SFT2D2: variants seen among roughly 807,000 people sequenced by gnomAD.
SFT2D2 encodes vesicle transport protein SFT2B.
In SFT2D2, 21 loss-of-function variants were observed where a neutral mutation model predicts 27.4. The ratio of observed to expected loss-of-function variants is 0.77; its 90% CI spans 0.54 to 1.10. SFT2D2 has a LOEUF of 1.10. SFT2D2 is among the 50% of genes least tolerant of loss of function. The probability of loss-of-function intolerance (pLI) is 0.00; values close to 1 mark genes in which losing one functional copy is unlikely to be tolerated. For missense variants in SFT2D2, 187 were observed against 194.2 expected (o/e 0.96, Z 0.22); for synonymous variants, 72 against 71.7 (o/e 1.00, Z -0.02).
intron 1 of SFT2D2, among the ~76,000 whole-genome samples, chr1:168,227,795 TTCTC>T (rs1482415591): frequency 6.6e-6 from 1 of 152,148 alleles, no homozygotes; most frequent in Non-Finnish European, 1.5e-5. Context: ...GGCAGACACT[TTCTC>T]TCCCTGCAGA....
rs1647912241 is a variant in SFT2D2 at position 168,249,922 on chromosome 1, AAATACTTATCTAGT to A, written c.*7384_*7397del. ...GTCTCCGATCATTAATTTATTTAAC[AAATACTTATCTAGT>A]ACTATGTGCCCGGCGCTGTAGACAC... On this transcript the variant is annotated 3_prime_UTR_variant, in exon 8 of 8. Transcript: ENST00000271375. The A allele has an allele frequency of 6.6e-6, 1 of 152,174 alleles. No homozygotes were observed. The highest frequency in any genetic ancestry group is 6.5e-5 in the Admixed American group (1 of 15,282). 9.4% of individuals were successfully genotyped at this position (152,174 alleles called of 1,614,324 possible).
At chr1:168,233,292 C>G (rs1259171268) in intron 3 of SFT2D2, among the ~76,000 whole-genome samples, 1 of 152,214 alleles carries the variant, frequency 6.6e-6, no homozygotes, top group East Asian at 1.9e-4. Flanking sequence ...AAAGCTACCT[C>G]TTCTATGAAG....
intron 1 of SFT2D2, among the ~76,000 whole-genome samples, chr1:168,228,495 G>A: frequency 6.6e-6 from 1 of 152,052 alleles, no homozygotes; most frequent in East Asian, 1.9e-4. Flanking sequence ...ATAGCCTCAC[G>A]TTGAATTTTG....
Position 168,246,943 on chromosome 1 carries a change from T to C in SFT2D2, c.*4403T>C. On this transcript the variant is annotated 3_prime_UTR_variant, in exon 8 of 8. Transcript: ENST00000271375. ...TTTTTTATTGTGTGTATTTCCAGCCTGAGCCTGGCAATTTCATCTTGCATC... is the reference window on the plus strand; with the variant it reads ...TTTTTTATTGTGTGTATTTCCAGCCCGAGCCTGGCAATTTCATCTTGCATC... The C allele has an allele frequency of 1.6e-6, 1 of 638,628 alleles. No individual in the cohort carries two copies. The highest frequency in any genetic ancestry group is 1.4e-5 in the South Asian group (1 of 72,418). 39.6% of individuals were successfully genotyped at this position (638,628 alleles called of 1,614,324 possible). A position where few individuals can be genotyped will look rare whatever the true frequency, so the allele number is the denominator to read the frequency against.
rs1315458846 is a variant in SFT2D2 at position 168,248,861 on chromosome 1, C to G, written c.*6321C>G. 1 of 151,958 alleles carries G rather than the reference C, an allele frequency of 6.6e-6. No homozygotes were observed. The highest frequency in any genetic ancestry group is 1.5e-5 in the Non-Finnish European group (1 of 67,990). The allele number at this position is 151,958 out of a possible 1,614,324, so 9.4% of individuals were successfully genotyped here. On this transcript the variant is annotated 3_prime_UTR_variant, in exon 8 of 8. Coordinates refer to ENST00000271375, the MANE Select transcript of SFT2D2 (RefSeq NM_199344.3). ...AATTTATCCATTTCTTCTAGATTTT[C>G]TACTTTATTTGCGTAGAGTTGTTTA...
chr1:168,230,429 C>T (rs1327493244), intron 1 of SFT2D2, among the ~76,000 whole-genome samples: 1 of 152,206 alleles, frequency 6.6e-6, no homozygotes, highest in African/African-American at 2.4e-5. Context: ...ACTGTTCCCA[C>T]TTGCATCAGG....
chr1:168,244,581 C>T lies in SFT2D2; in HGVS notation c.*2041C>T, dbSNP rs1431634494. ...TTCTAGGCTATTGATGACATCCAGTCATCTGCTCAGGTCACTAACCTGTCC... is the reference window on the plus strand; with the variant it reads ...TTCTAGGCTATTGATGACATCCAGTTATCTGCTCAGGTCACTAACCTGTCC... On this transcript the variant is annotated 3_prime_UTR_variant, in exon 8 of 8. Transcript: ENST00000271375. The T allele has an allele frequency of 6.6e-6, 1 of 152,256 alleles. No individual in the cohort carries two copies. The highest frequency in any genetic ancestry group is 1.9e-4 in the East Asian group (1 of 5,182). 9.4% of individuals were successfully genotyped at this position (152,256 alleles called of 1,614,324 possible).
chr1:168,248,212 G>T lies in SFT2D2; in HGVS notation c.*5672G>T, dbSNP rs1342646693. On this transcript the variant is annotated 3_prime_UTR_variant, in exon 8 of 8. Coordinates refer to ENST00000271375, the MANE Select transcript of SFT2D2 (RefSeq NM_199344.3). Reference sequence around the variant, plus strand: ...GTCTATTTTGGCTTTTGTTGCCATTGCTTTTGGTGTTTTAGTCGTGAAGTC... The same window carrying T: ...GTCTATTTTGGCTTTTGTTGCCATTTCTTTTGGTGTTTTAGTCGTGAAGTC... 6.6e-6 allele frequency: 1 copy of T among 152,174 alleles called. No individual in the cohort carries two copies. The highest frequency in any genetic ancestry group is 1.5e-5 in the Non-Finnish European group (1 of 68,046). 9.4% of individuals were successfully genotyped at this position (152,174 alleles called of 1,614,324 possible). A position where few individuals can be genotyped will look rare whatever the true frequency, so the allele number is the denominator to read the frequency against.
At chr1:168,231,687 C>A in intron 2 of SFT2D2, 87 bp downstream of exon 2, 1 of 1,487,478 alleles carries the variant, frequency 6.7e-7, no homozygotes, top group Non-Finnish European at 9.4e-7. Flanking sequence ...TCCCCTTTTG[C>A]CCTTCACTAA....
At chr1:168,234,607 G>GAT (rs1647435149) in intron 3 of SFT2D2, among the ~76,000 whole-genome samples, 3 of 152,204 alleles carry the variant, frequency 2.0e-5, no homozygotes, top group Admixed American at 6.5e-5. Context: ...AACCCATGAT[G>GAT]ATATCATCAT....
At chr1:168,228,516 C>G (rs1197181198) in intron 1 of SFT2D2, among the ~76,000 whole-genome samples, 1 of 152,110 alleles carries the variant, frequency 6.6e-6, no homozygotes, top group Non-Finnish European at 1.5e-5. Context: ...TGATTGATAC[C>G]TCATCTTCAT....
chr1:168,238,697 CA>C (rs3215449), intron 6 of SFT2D2, among the ~76,000 whole-genome samples: 37 of 140,454 alleles, frequency 2.6e-4, no homozygotes, highest in East Asian at 4.1e-4. Flanking sequence ...GACCCTGTCT[CA>C]AAAAAAAAAA....
intron 7 of SFT2D2, among the ~76,000 whole-genome samples, chr1:168,240,875 G>A (rs1283972838): frequency 6.6e-6 from 1 of 152,054 alleles, no homozygotes; most frequent in Admixed American, 6.6e-5. Context: ...TCACGCCATT[G>A]CCCTCCAGCC....
intron 6 of SFT2D2, among the ~76,000 whole-genome samples, chr1:168,237,266 TG>T (rs1207406148): frequency 2.0e-5 from 3 of 152,208 alleles, no homozygotes; most frequent in South Asian, 4.2e-4. Flanking sequence ...ACTGACGAAA[TG>T]GAAAAACGTG....
At chr1:168,234,967 G>T in intron 3 of SFT2D2, 134 bp from the exon 4 acceptor site, 1 of 771,332 alleles carries the variant, frequency 1.3e-6, no homozygotes, top group Non-Finnish European at 2.3e-6. Flanking sequence ...TGCACGAAAG[G>T]CCCTTCAGCA....
chr1:168,245,872 T>C lies in SFT2D2; in HGVS notation c.*3332T>C, dbSNP rs1262044213. On this transcript the variant is annotated 3_prime_UTR_variant, in exon 8 of 8. Transcript: ENST00000271375. Reference sequence around the variant, plus strand: ...GCTTTTTAATTGTATTTCTTAACACTAGAATTTTCTATTTCAAGTTTTTGT... The same window carrying C: ...GCTTTTTAATTGTATTTCTTAACACCAGAATTTTCTATTTCAAGTTTTTGT... 6.5e-6 allele frequency: 1 copy of C among 152,862 alleles called. No homozygotes were observed. Among genetic ancestry groups the C allele is most frequent in the African/African-American group, 2.4e-5 (1 of 41,462 alleles). 9.5% of individuals were successfully genotyped at this position (152,862 alleles called of 1,614,324 possible). A position where few individuals can be genotyped will look rare whatever the true frequency, so the allele number is the denominator to read the frequency against.
chr1:168,231,577 A>G lies in SFT2D2; in HGVS notation c.127A>G (p.Ile43Val), dbSNP rs1325719576. ...AAAAGGCTTCATTGCGTGTTTTGCT[A>G]TAGGAATTCTCTGCTCACTGCTGGT... Reference protein sequence around the residue: ...RIKGFIACFAIGILCSLLGTV... With the variant: ...RIKGFIACFAVGILCSLLGTV... Residue 43 changes from isoleucine (I) to valine (V), a missense_variant, in exon 2 of 8, where the codon ATA (isoleucine) becomes GTA (valine). Ile to Val is a conservative substitution (Grantham distance 29). Transcript: ENST00000271375. The G allele has an allele frequency of 1.2e-6, 2 of 1,613,900 alleles. No homozygotes were observed. The highest frequency in any genetic ancestry group is 1.1e-5 in the South Asian group (1 of 91,072).
intron 7 of SFT2D2, among the ~76,000 whole-genome samples, chr1:168,239,891 C>T (rs979485683): frequency 2.0e-5 from 3 of 149,204 alleles, no homozygotes; most frequent in African/African-American, 7.4e-5. Context: ...AAAAACTGTA[C>T]TGGGCCAGGT....
intron 4 of SFT2D2, 140 bp from the exon 5 acceptor site, chr1:168,236,449 A>G (rs1647501800): frequency 2.8e-6 from 2 of 716,666 alleles, no homozygotes. Flanking sequence ...TATTCTGCCA[A>G]ATATGGGTGC....
Sources: allele counts gnomAD v4.1 joint callset (sites outside exome capture counted in the v4.1 genomes callset), GRCh38; gene constraint gnomAD v4.1.1; transcripts MANE v1.5; gene names NCBI Gene and HGNC (gene_info 2026-07-23, HGNC 2026-07-21).